Variants in IGSF5 observed in about 807,000 individuals in gnomAD.
The protein encoded by IGSF5 is immunoglobulin superfamily 5 like.
A neutral mutation model predicts 39.4 loss-of-function variants in IGSF5; 41 were observed. That is an observed-to-expected ratio of 1.04 (90% CI 0.81 to 1.35). IGSF5 has a LOEUF of 1.35. IGSF5 is among the 40% of genes most tolerant of loss of function. The probability of loss-of-function intolerance (pLI) is 0.00; values close to 1 mark genes in which losing one functional copy is unlikely to be tolerated. For synonymous variants in IGSF5, 183 were observed against 175.3 expected, an observed-to-expected ratio of 1.04 and a Z score of -0.34; for missense variants, 487 against 494.6, an observed-to-expected ratio of 0.98 and a Z score of 0.15.
chr21:39,792,413 A>G (rs1040702549), intron 7 of IGSF5, among the ~76,000 whole-genome samples: 1 of 152,146 alleles, frequency 6.6e-6, no homozygotes, highest in African/African-American at 2.4e-5. Context: ...TAGCATTAGG[A>G]GATATACCTA....
intron 4 of IGSF5, among the ~76,000 whole-genome samples, chr21:39,777,779 A>G (rs140629488): frequency 1.3e-5 from 2 of 152,288 alleles, no homozygotes; most frequent in Non-Finnish European, 2.9e-5. Flanking sequence ...ATAGACTTCT[A>G]TTCTCCATGC....
At chr21:39,800,388 A>C (rs1236428810) in intron 8 of IGSF5, among the ~76,000 whole-genome samples, 1 of 151,782 alleles carries the variant, frequency 6.6e-6, no homozygotes, top group African/African-American at 2.4e-5. Flanking sequence ...TACTTGATAA[A>C]TTTAGAAAAC....
intron 6 of IGSF5, among the ~76,000 whole-genome samples, chr21:39,788,771 C>T (rs969125389): frequency 1.3e-5 from 2 of 152,170 alleles, no homozygotes; most frequent in African/African-American, 4.8e-5. Flanking sequence ...TAGCCAGTAA[C>T]CCTTTTAAAT....
intron 8 of IGSF5, among the ~76,000 whole-genome samples, chr21:39,796,260 G>A (rs962482602): frequency 5.9e-5 from 9 of 152,182 alleles, no homozygotes; most frequent in African/African-American, 2.2e-4. Flanking sequence ...TGAAGCTACA[G>A]CTTGTAGAAG....
chr21:39,754,116 T>C (rs7281468), intron 2 of IGSF5, among the ~76,000 whole-genome samples: 16,392 of 152,206 alleles, frequency 0.11, 2,877 homozygotes, highest in African/African-American at 0.37. Context: ...GCAGGTTCTA[T>C]TTGGGTGCAT....
chr21:39,752,816 A>C (rs1272728389), intron 2 of IGSF5, among the ~76,000 whole-genome samples: 1 of 150,402 alleles, frequency 6.6e-6, no homozygotes, highest in Non-Finnish European at 1.5e-5. Flanking sequence ...TTGTCTATTC[A>C]TGTTCTTTGC....
At position 39,801,263 on chromosome 21, in the gene IGSF5, G is replaced by T. The variant is rs142105354; in HGVS notation, c.1130G>T (p.Arg377Leu). ...ACTTTTTTCCTCCTCTGTTGCCAGC[G>T]GGCTGATCAACGTCCACCCAGGCCA... is the stretch of plus-strand genomic sequence containing the variant. Reference protein sequence around the residue: ...RNSSCGPPHQRADQRPPRPAS... With the variant: ...RNSSCGPPHQLADQRPPRPAS... Residue 377 changes from arginine to leucine, a missense_variant and splice_region_variant, in exon 9 of 9, where the codon CGG (arginine) becomes CTG (leucine). By Grantham distance (102) the Arg-to-Leu change is moderately radical (BLOSUM62 -2). Coordinates refer to ENST00000380588, the MANE Select transcript of IGSF5 (RefSeq NM_001080444.2). 3 of 1,613,260 alleles carry T rather than the reference G, an allele frequency of 1.9e-6. No homozygotes were observed. The highest frequency in any genetic ancestry group is 2.7e-5 in the African/African-American group (2 of 74,878).
At chr21:39,712,145 C>CG in the IGSF5 span, among the ~76,000 whole-genome samples, 2 of 152,116 alleles carry the variant, frequency 1.3e-5, no homozygotes, top group African/African-American at 4.8e-5. Context: ...TTATTGATTT[C>CG]AAGAGAATAT....
rs1027579135 is a variant in IGSF5, at chr21:39,788,336, A to C, written c.956+148A>C. On this transcript the variant is annotated intron_variant, in intron 6 of 8. Coordinates refer to ENST00000380588, the MANE Select transcript of IGSF5 (RefSeq NM_001080444.2). ...TACCAGAGGTAGACAATGCTGAAAA[A>C]CACGTATGCCGATCACAAACTCATA... 27 of 624,996 alleles carry C rather than the reference A, an allele frequency of 4.3e-5. No individual in the cohort carries two copies. The South Asian group carries it at 5.4e-4, about 12-fold the overall frequency. The allele number at this position is 624,996 out of a possible 1,614,324, so 38.7% of individuals were successfully genotyped here.
Position 39,765,766 on chromosome 21 carries a change from A to G in IGSF5, c.332A>G (p.His111Arg), listed in dbSNP as rs1016371789. The stretch of plus-strand genomic sequence containing the variant: ...AACTTCACCTCGGAGATGATCATCC[A>G]CAATGTGGAGCCCAGTGATTCGGGG... ...GGNFTSEMII[H>R]NVEPSDSGNI... The change falls in exon 3 of 9, where the codon CAC becomes CGC. Residue 111 changes from histidine (H) to arginine (R), a missense_variant. Physicochemically the swap from His to Arg is conservative, Grantham distance 29. Transcript: ENST00000380588. 9 of 1,614,118 alleles carry G rather than the reference A, an allele frequency of 5.6e-6. No individual in the cohort carries two copies. The highest frequency in any genetic ancestry group is 7.6e-6 in the Non-Finnish European group (9 of 1,180,012).
At position 39,769,656 on chromosome 21, in the gene IGSF5, A is replaced by G. The variant is rs73367563; in HGVS notation, c.419-1260A>G. Among the ~76,000 whole-genome samples the G allele has an allele frequency of 2.8e-3, 423 of 152,250 alleles. 5 individuals are homozygous for G. The highest frequency in any genetic ancestry group is 9.7e-3 in the African/African-American group (402 of 41,544). On this transcript the variant is annotated intron_variant, in intron 3 of 8. Transcript: ENST00000380588. The stretch of plus-strand genomic sequence containing the variant: ...CAACAGACTGAATGAAGAGACAGCT[A>G]TGAGAATCCAGCCAGACATTACAGA...
At chr21:39,729,459 G>A in the IGSF5 span, 1 of 152,344 alleles carries the variant, frequency 6.6e-6, no homozygotes, top group Non-Finnish European at 1.5e-5. Context: ...GTGGATATGG[G>A]GGCATGGCAG....
chr21:39,713,293 A>C, the IGSF5 span, among the ~76,000 whole-genome samples: 3 of 152,182 alleles, frequency 2.0e-5, no homozygotes, highest in Non-Finnish European at 4.4e-5. Context: ...GTGCTCCATC[A>C]TGAGAATTAT....
the IGSF5 span, chr21:39,726,065 G>C: frequency 6.6e-6 from 1 of 152,146 alleles, no homozygotes; most frequent in Non-Finnish European, 1.5e-5. Context: ...CAAGAGATGG[G>C]GCTTGTGATT....
the IGSF5 span, chr21:39,728,996 A>C: frequency 1.3e-5 from 2 of 152,230 alleles, no homozygotes; most frequent in African/African-American, 4.8e-5. Flanking sequence ...ATCTTTGCCC[A>C]ATAATTTACT....
At position 39,790,488 on chromosome 21, in the gene IGSF5, A is replaced by G. The variant is rs761662380; in HGVS notation, c.957-1520A>G. Among the ~76,000 whole-genome samples the G allele has an allele frequency of 2.6e-5, 4 of 152,094 alleles. No individual in the cohort carries two copies. The South Asian group carries it at 6.2e-4, about 24-fold the overall frequency. On this transcript the variant is annotated intron_variant, in intron 6 of 8. Coordinates refer to ENST00000380588, the MANE Select transcript of IGSF5 (RefSeq NM_001080444.2). ...AGCATGGACAACATGGAAAAACCCC[A>G]TCTCCACAAAAAGTACAAAATTAGC...
chr21:39,768,716 GACAA>G (rs1467721882), intron 3 of IGSF5, among the ~76,000 whole-genome samples: 1 of 152,166 alleles, frequency 6.6e-6, no homozygotes, highest in Non-Finnish European at 1.5e-5. Flanking sequence ...AGACTCAAGG[GACAA>G]ACCCTTTCTC....
Position 39,794,955 on chromosome 21 carries a change from G to T in IGSF5, c.1128+1342G>T, listed in dbSNP as rs182186772. Among the ~76,000 whole-genome samples, 282 of 152,274 alleles carry T rather than the reference G, an allele frequency of 1.9e-3. 1 individual carries two copies. The highest frequency in any genetic ancestry group is 5.8e-3 in the African/African-American group (241 of 41,554). On this transcript the variant is annotated intron_variant, in intron 8 of 8. Transcript: ENST00000380588. ...TGATGTGTGTTTTTCAGGCCTGTAG[G>T]GGGGAAGGGAGTGCTGATTGATGCT...
chr21:39,717,932 G>T, the IGSF5 span, among the ~76,000 whole-genome samples: 1 of 152,138 alleles, frequency 6.6e-6, no homozygotes, highest in Non-Finnish European at 1.5e-5. Context: ...GCTTTGGGTG[G>T]TATAGCCATT....
Sources: gnomAD v4.1 joint callset for allele counts (sites outside exome capture counted in the v4.1 genomes callset) on GRCh38, gnomAD v4.1.1 for gene constraint, MANE v1.5 for transcripts, NCBI Gene and HGNC (gene_info 2026-07-23, HGNC 2026-07-21) for gene names.